The following SH3TC1 variants were observed in gnomAD, a reference collection of about 807,000 sequenced individuals.
SH3TC1 encodes SH3 domain and tetratricopeptide repeats 1, also known as SH3 domain and tetratricopeptide repeat-containing protein 1.
SH3TC1 carries 135 observed loss-of-function variants against 117.3 expected under a neutral mutation model. The ratio of observed to expected loss-of-function variants is 1.15; its 90% CI spans 1.00 to 1.33. The LOEUF (loss-of-function observed/expected upper bound fraction) is 1.33. Among genes scored for constraint, SH3TC1 ranks in the 40% most tolerant of loss-of-function variants. The pLI, the probability that SH3TC1 is intolerant of heterozygous loss-of-function variation, is 0.00. For missense variants in SH3TC1, 2,092 were observed against 1,794.3 expected, an observed-to-expected ratio of 1.17 and a Z score of -3.00; for synonymous variants, 898 against 816.9, an observed-to-expected ratio of 1.10 and a Z score of -1.69.
chr4:8,212,975 G>A (rs776802403), intron 4 of SH3TC1, 147 bp downstream of exon 4: 9 of 1,103,164 alleles, frequency 8.2e-6, no homozygotes, highest in Admixed American at 3.1e-5. Context: ...TTGGAGGGGC[G>A]GCTGTGATAC....
chr4:8,200,764 C>T (rs988101302), intron 1 of SH3TC1, among the ~76,000 whole-genome samples: 1 of 152,212 alleles, frequency 6.6e-6, no homozygotes, highest in African/African-American at 2.4e-5. Context: ...GGCTACTGGG[C>T]GGCTCCTCCC....
rs539947723 is a variant in SH3TC1 at position 8,225,635 on chromosome 4, C to G, written c.1285+419C>G. Among the ~76,000 whole-genome samples the G allele has an allele frequency of 6.6e-6, 1 of 152,178 alleles. No homozygotes were observed. The highest frequency in any genetic ancestry group is 6.5e-5 in the Admixed American group (1 of 15,278). ...AGGTTGCAGGGGCCTCAACTGAGGT[C>G]CCTCAAGGGTCTGCTCCTTCCTGAG... On this transcript the variant is annotated intron_variant, in intron 11 of 17. Coordinates refer to ENST00000245105, the MANE Select transcript of SH3TC1 (RefSeq NM_018986.5). This position sits in a 1 kb window ranked among gnomAD's most constrained non-coding sequence, Gnocchi z 5.5.
At chr4:8,223,306 T>G (rs1199819347) in intron 10 of SH3TC1, among the ~76,000 whole-genome samples, 7 of 152,208 alleles carry the variant, frequency 4.6e-5, no homozygotes, top group African/African-American at 1.7e-4. Context: ...AGGGCTCCTG[T>G]TTGGGGCCCA....
intron 1 of SH3TC1, among the ~76,000 whole-genome samples, chr4:8,204,530 C>A (rs1718039861): frequency 6.6e-6 from 1 of 152,280 alleles, no homozygotes; most frequent in South Asian, 2.1e-4. Flanking sequence ...AACAGTGAGG[C>A]CCCCCATGAC....
intron 7 of SH3TC1, among the ~76,000 whole-genome samples, chr4:8,217,460 G>A (rs951957321): frequency 6.6e-6 from 1 of 152,252 alleles, no homozygotes; most frequent in Admixed American, 6.5e-5. Flanking sequence ...CATCCGAAAA[G>A]CTTTTGAGGA....
At chr4:8,182,463 G>C (rs529481126) in intron 1 of SH3TC1, among the ~76,000 whole-genome samples, 3 of 152,300 alleles carry the variant, frequency 2.0e-5, no homozygotes, top group Admixed American at 2.0e-4. Context: ...TAGCCTGATG[G>C]GTGGAGCTGG....
chr4:8,193,050 C>T (rs1448766491), intron 1 of SH3TC1, among the ~76,000 whole-genome samples: 1 of 152,242 alleles, frequency 6.6e-6, no homozygotes, highest in African/African-American at 2.4e-5. Flanking sequence ...GGCATATGGC[C>T]ACACCTGTTC....
intron 8 of SH3TC1, among the ~76,000 whole-genome samples, chr4:8,218,707 G>C (rs1276193176): frequency 6.6e-6 from 1 of 152,248 alleles, no homozygotes; most frequent in Non-Finnish European, 1.5e-5. Flanking sequence ...CTAGCCTTCT[G>C]TCACCATGGG....
At position 8,217,034 on chromosome 4, in the gene SH3TC1, G is replaced by A. The variant is rs769197959; in HGVS notation, c.706G>A (p.Ala236Thr). ...CCGGGATGCAGGAAATGGCCCCCAG[G>A]CCCTCAGGCAGGCTTCGGGGGCACC... ...GPRDAGNGPQALRQASGAPQG... is the reference protein window; with the variant it reads ...GPRDAGNGPQTLRQASGAPQG... Residue 236 changes from alanine (A) to threonine (T), a missense_variant, in exon 7 of 18, where the codon GCC (alanine) becomes ACC (threonine). Transcript: ENST00000245105. The A allele has an allele frequency of 3.1e-6, 5 of 1,613,566 alleles. No individual in the cohort carries two copies. The highest frequency in any genetic ancestry group is 2.2e-5 in the East Asian group (1 of 44,896).
chr4:8,213,890 A>G (rs76902078), intron 4 of SH3TC1, among the ~76,000 whole-genome samples: 1 of 102 alleles, frequency 9.8e-3, no homozygotes, highest in Non-Finnish European at 0.038. Context: ...CATCTCTGGA[A>G]AAAAAAAAAA....
intron 1 of SH3TC1, among the ~76,000 whole-genome samples, chr4:8,193,097 C>T (rs1717464908): frequency 6.6e-6 from 1 of 152,244 alleles, no homozygotes; most frequent in African/African-American, 2.4e-5. Context: ...GCTGTAAGGG[C>T]AGGGTTGTGA....
chr4:8,203,957 G>T (rs1718002297), intron 1 of SH3TC1, among the ~76,000 whole-genome samples: 1 of 152,200 alleles, frequency 6.6e-6, no homozygotes, highest in Admixed American at 6.5e-5. Flanking sequence ...TCTGGGGGTT[G>T]TCCTGGCAGC....
upstream of SH3TC1, among the ~76,000 whole-genome samples, chr4:8,198,105 C>A (rs577567041): frequency 4.2e-4 from 64 of 152,224 alleles, no homozygotes; most frequent in African/African-American, 1.4e-3. Context: ...AGGACAGCCC[C>A]CCGCCCTGCA....
intron 1 of SH3TC1, among the ~76,000 whole-genome samples, chr4:8,189,841 T>C (rs1477395653): frequency 2.0e-5 from 3 of 151,714 alleles, no homozygotes; most frequent in African/African-American, 7.3e-5. Context: ...CCGCACAGAG[T>C]GTGGCCCTTA....
rs779788506 is a variant in SH3TC1 at position 8,222,921 on chromosome 4, G to A, written c.1194G>A (p.Gln398=). ...GCTTTTCTGAGGAGGATGCCAGGCA[G>A]TTGCTGAGGCGGATGTCGGGCACCG... ...EGCFSEEDAR[Q]LLRRMSGTDV... is the part of the protein sequence containing the mutation. Residue 398 remains glutamine, a synonymous_variant, in exon 10 of 18, where the codon CAG becomes CAA. Coordinates refer to ENST00000245105, the MANE Select transcript of SH3TC1 (RefSeq NM_018986.5). 21 of 1,613,214 alleles carry A rather than the reference G, an allele frequency of 1.3e-5. No homozygotes were observed. In the African/African-American group the frequency reaches 2.4e-4, roughly 18 times the overall value.
At chr4:8,226,721 G>A (rs1391253730) in intron 11 of SH3TC1, among the ~76,000 whole-genome samples, 1 of 152,230 alleles carries the variant, frequency 6.6e-6, no homozygotes, top group Non-Finnish European at 1.5e-5. Context: ...AAGGAGGACA[G>A]GAGGGTGATT....
intron 14 of SH3TC1, among the ~76,000 whole-genome samples, chr4:8,234,939 G>A (rs1721671691): frequency 6.6e-6 from 1 of 152,240 alleles, no homozygotes; most frequent in Non-Finnish European, 1.5e-5. Flanking sequence ...GGAACAAACT[G>A]GGAAGCCCAA....
At chr4:8,194,359 C>A (rs1051065556), upstream of SH3TC1, among the ~76,000 whole-genome samples, 1 of 152,208 alleles carries the variant, frequency 6.6e-6, no homozygotes, top group Non-Finnish European at 1.5e-5. Context: ...AAGGCGCACT[C>A]GCGTTTCCCA....
At chr4:8,207,516 CA>C (rs1301700632) in intron 2 of SH3TC1, among the ~76,000 whole-genome samples, 2 of 152,212 alleles carry the variant, frequency 1.3e-5, no homozygotes, top group African/African-American at 4.8e-5. Flanking sequence ...ATCCTTGCGA[CA>C]GAGGCTGCCA....
Sources: allele counts gnomAD v4.1 joint callset (sites outside exome capture counted in the v4.1 genomes callset), GRCh38; gene constraint gnomAD v4.1.1; non-coding constraint Gnocchi (gnomAD v3.1); transcripts MANE v1.5; gene names NCBI Gene and HGNC (gene_info 2026-07-23, HGNC 2026-07-21).